The following GRIK2 variants were observed in gnomAD, a reference collection of about 807,000 sequenced individuals.
GRIK2 encodes glutamate receptor ionotropic, kainate 2.
GRIK2 carries 32 observed loss-of-function variants against 100.3 expected under a neutral mutation model. The observed-to-expected ratio is 0.32, with a 90% confidence interval of 0.24 to 0.43. GRIK2 has a LOEUF of 0.43. Ranked by LOEUF, GRIK2 falls within the 20% of genes least tolerant of loss-of-function variation. The probability of loss-of-function intolerance (pLI) is 1.00; values close to 1 mark genes in which losing one functional copy is unlikely to be tolerated. For missense variants in GRIK2, 843 were observed against 1,114.9 expected (o/e 0.76, Z 3.47); for synonymous variants, 417 against 389.4 (o/e 1.07, Z -0.83).
intron 2 of GRIK2, among the ~76,000 whole-genome samples, chr6:101,402,074 G>C (rs1775339787): frequency 6.6e-6 from 1 of 152,160 alleles, no homozygotes; most frequent in African/African-American, 2.4e-5. Flanking sequence ...CTAGGACTGT[G>C]ATTCGACCCA....
At chr6:101,913,958 A>G (rs990068659) in intron 12 of GRIK2, among the ~76,000 whole-genome samples, 1 of 151,498 alleles carries the variant, frequency 6.6e-6, no homozygotes, top group Non-Finnish European at 1.5e-5. Context: ...CAGATTCTTG[A>G]TCAATGAATA....
At chr6:101,464,263 G>A (rs1205531782) in intron 2 of GRIK2, among the ~76,000 whole-genome samples, 1 of 152,146 alleles carries the variant, frequency 6.6e-6, no homozygotes, top group Non-Finnish European at 1.5e-5. Flanking sequence ...AGCCTAAGGA[G>A]AGGGTCCATG....
chr6:101,974,841 G>A (rs982074855), intron 14 of GRIK2, among the ~76,000 whole-genome samples: 1 of 151,836 alleles, frequency 6.6e-6, no homozygotes, highest in Non-Finnish European at 1.5e-5. Flanking sequence ...ATATAAGGGG[G>A]CATATATAAA....
intron 15 of GRIK2, among the ~76,000 whole-genome samples, chr6:102,039,992 T>C (rs1770481551): frequency 1.3e-5 from 2 of 151,530 alleles, no homozygotes; most frequent in Non-Finnish European, 3.0e-5. Context: ...ATTAATAATG[T>C]AATTTTCTAT....
intron 14 of GRIK2, among the ~76,000 whole-genome samples, chr6:101,966,161 G>A (rs1792659130): frequency 6.6e-6 from 1 of 151,966 alleles, no homozygotes; most frequent in South Asian, 2.1e-4. Flanking sequence ...ATTTTACATG[G>A]CATTCCCAAA....
rs558402568 is a variant in GRIK2, at chr6:101,849,749, A to AT, written c.1318-9531dup. 1.6e-3 allele frequency among the ~76,000 whole-genome samples: 171 copies of AT among 106,980 alleles called. 1 individual carries two copies. Among genetic ancestry groups the AT allele is most frequent in the African/African-American group, 5.5e-3 (159 of 28,882 alleles). The allele number at this position is 106,980 out of a possible 152,430, so 70.2% of individuals were successfully genotyped here. On this transcript the variant is annotated intron_variant, in intron 10 of 16. Transcript: ENST00000369134. The stretch of plus-strand genomic sequence containing the variant: ...CGTAATATTACTTTAATCTTAGATT[A>AT]TTTTTTTGTAACCATTATGTCTTTT...
At chr6:101,973,971 ACATTTGGATATACTAATT>A in intron 14 of GRIK2, among the ~76,000 whole-genome samples, 2 of 152,074 alleles carry the variant, frequency 1.3e-5, no homozygotes, top group South Asian at 4.1e-4. Context: ...GAAGAAATAT[ACATTTGGATATACTAATT>A]TATATGACTC....
At chr6:101,798,026 T>C (rs989993803) in intron 7 of GRIK2, among the ~76,000 whole-genome samples, 1 of 150,854 alleles carries the variant, frequency 6.6e-6, no homozygotes, top group African/African-American at 2.4e-5. Flanking sequence ...TTTTGGTCAT[T>C]CAGTAGATTT....
At chr6:101,620,140 A>G (rs1780081888) in intron 2 of GRIK2, 1 of 320,576 alleles carries the variant, frequency 3.1e-6, no homozygotes, top group South Asian at 1.2e-4. Context: ...CCAAAATTAT[A>G]CAGATAGCAA....
intron 14 of GRIK2, among the ~76,000 whole-genome samples, chr6:102,032,212 C>T (rs893831688): frequency 1.3e-5 from 2 of 151,202 alleles, no homozygotes; most frequent in African/African-American, 4.8e-5. Context: ...GATAGAGATG[C>T]CTCCTTCCTT....
intron 12 of GRIK2, among the ~76,000 whole-genome samples, chr6:101,912,231 A>G (rs1472779588): frequency 6.6e-6 from 1 of 151,386 alleles, no homozygotes; most frequent in Non-Finnish European, 1.5e-5. Context: ...ATCCTAAAAC[A>G]TTATTTAAAA....
intron 14 of GRIK2, among the ~76,000 whole-genome samples, chr6:101,941,117 G>A (rs1790926371): frequency 6.6e-6 from 1 of 151,660 alleles, no homozygotes; most frequent in Non-Finnish European, 1.5e-5. Flanking sequence ...ATTTTATGTA[G>A]GTGAAATAAA....
At chr6:101,663,430 A>ACATC (rs1769782456) in intron 4 of GRIK2, among the ~76,000 whole-genome samples, 1 of 152,176 alleles carries the variant, frequency 6.6e-6, no homozygotes, top group African/African-American at 2.4e-5. Context: ...TGGCCATCAG[A>ACATC]ATTGAACAAT....
At chr6:101,634,619 G>A (rs1780918866) in intron 4 of GRIK2, among the ~76,000 whole-genome samples, 1 of 151,990 alleles carries the variant, frequency 6.6e-6, no homozygotes, top group South Asian at 2.1e-4. Flanking sequence ...TAGGGTGATA[G>A]TACAAAAGAA....
intron 10 of GRIK2, among the ~76,000 whole-genome samples, chr6:101,843,519 A>G (rs1268103123): frequency 6.6e-6 from 1 of 152,112 alleles, no homozygotes; most frequent in Non-Finnish European, 1.5e-5. Context: ...CCATGTGCAA[A>G]ATGAAAATGA....
At chr6:101,887,921 G>C (rs1222573164) in intron 11 of GRIK2, among the ~76,000 whole-genome samples, 1 of 152,112 alleles carries the variant, frequency 6.6e-6, no homozygotes, top group Non-Finnish European at 1.5e-5. Context: ...TGAAGACATA[G>C]AGCCAAACCA....
chr6:101,754,837 T>A lies in GRIK2; in HGVS notation c.952-44811T>A, dbSNP rs145814720. ...AGAAAACCTGGCTCCTGTGAGGAAATGAAATGTTACTCGGTATGGATGGAT... is the reference window on the plus strand; with the variant it reads ...AGAAAACCTGGCTCCTGTGAGGAAAAGAAATGTTACTCGGTATGGATGGAT... On this transcript the variant is annotated intron_variant, in intron 7 of 16. Transcript: ENST00000369134. Among the ~76,000 whole-genome samples, 893 of 152,126 alleles carry A rather than the reference T, an allele frequency of 5.9e-3. 2 individuals are homozygous for A. The highest frequency in any genetic ancestry group is 9.2e-3 in the Non-Finnish European group (625 of 67,988).
intron 2 of GRIK2, among the ~76,000 whole-genome samples, chr6:101,587,315 G>T (rs1778424047): frequency 6.6e-6 from 1 of 151,962 alleles, no homozygotes; most frequent in African/African-American, 2.4e-5. Context: ...GTGAAAAAGA[G>T]GTAGAAAGTA....
chr6:101,655,833 A>G (rs1192561432), intron 4 of GRIK2, among the ~76,000 whole-genome samples: 1 of 152,164 alleles, frequency 6.6e-6, no homozygotes, highest in Admixed American at 6.5e-5. Flanking sequence ...GGAGTTCCCT[A>G]CAGAATTACA....
Sources: allele counts gnomAD v4.1 joint callset (sites outside exome capture counted in the v4.1 genomes callset), GRCh38; gene constraint gnomAD v4.1.1; transcripts MANE v1.5; gene names NCBI Gene and HGNC (gene_info 2026-07-23, HGNC 2026-07-21).